Variants in ZNF587 observed in about 807,000 individuals in gnomAD.
The protein encoded by ZNF587 is zinc finger protein 587.
In ZNF587, 8 loss-of-function variants were observed where a neutral mutation model predicts 7.5. The ratio of observed to expected loss-of-function variants is 1.06; its 90% CI spans 0.62 to 1.92. ZNF587 has a LOEUF of 1.92. Ranked by LOEUF, ZNF587 falls within the 40% of genes most tolerant of loss-of-function variation. The probability of loss-of-function intolerance (pLI) is 0.00; values close to 1 mark genes in which losing one functional copy is unlikely to be tolerated. For synonymous variants in ZNF587, 145 were observed against 237.8 expected (o/e 0.61, Z 3.59); for missense variants, 468 against 692.8 (o/e 0.68, Z 3.64).
At chr19:57,855,521 T>A (rs544723579) in intron 1 of ZNF587, among the ~76,000 whole-genome samples, 1 of 150,942 alleles carries the variant, frequency 6.6e-6, no homozygotes, top group South Asian at 2.1e-4. Flanking sequence ...GGGCTTTACG[T>A]GACCTTGGAT....
chr19:57,856,349 T>G, intron 2 of ZNF587, 116 bp downstream of exon 2: 1 of 1,482,442 alleles, frequency 6.7e-7, no homozygotes, highest in Non-Finnish European at 9.0e-7. Context: ...CTTCTGCACT[T>G]CTCTGTGTAA....
At chr19:57,850,911 A>T (rs1365950518) in intron 1 of ZNF587, 1 of 203,800 alleles carries the variant, frequency 4.9e-6, no homozygotes, top group Non-Finnish European at 9.8e-6. Context: ...TGTCTAAACT[A>T]CTTAAGATCT....
rs1555775121 is a variant in ZNF587 at position 57,857,614 on chromosome 19, G to GTGTATA, written c.164-961_164-960insGTATAT. 2.3e-3 allele frequency among the ~76,000 whole-genome samples: 350 copies of GTGTATA among 150,862 alleles called. 1 individual carries two copies. The highest frequency in any genetic ancestry group is 8.3e-3 in the African/African-American group (339 of 40,900). On this transcript the variant is annotated intron_variant, in intron 2 of 2. Transcript: ENST00000339656. ...TAGATGTATATATATGTGTGTATGT[G>GTGTATA]TATATATATATATGTGTGTGTGTAT...
intron 1 of ZNF587, among the ~76,000 whole-genome samples, chr19:57,852,820 G>A (rs1364165293): frequency 5.6e-5 from 7 of 124,520 alleles, no homozygotes; most frequent in Admixed American, 1.8e-4. Flanking sequence ...GGACCAATGC[G>A]CCCAGCCGAG....
intron 2 of ZNF587, chr19:57,856,948 C>A (rs956040809): frequency 1.3e-5 from 2 of 151,882 alleles, no homozygotes; most frequent in Non-Finnish European, 2.9e-5. Flanking sequence ...ATTGTCACTA[C>A]CTACATAGAC....
intron 2 of ZNF587, 38 bp downstream of exon 2, chr19:57,856,271 T>C: frequency 1.3e-6 from 2 of 1,539,316 alleles, no homozygotes; most frequent in African/African-American, 2.8e-5. Flanking sequence ...CCTGAGCTAG[T>C]GTTACTGTTC....
chr19:57,857,950 T>C (rs903779645), intron 2 of ZNF587, among the ~76,000 whole-genome samples: 1 of 150,476 alleles, frequency 6.6e-6, no homozygotes, highest in Non-Finnish European at 1.5e-5. Flanking sequence ...TTCTTCTATA[T>C]AGCACTCACA....
intron 1 of ZNF587, among the ~76,000 whole-genome samples, chr19:57,852,720 G>A (rs2071296008): frequency 6.6e-6 from 1 of 151,066 alleles, no homozygotes; most frequent in East Asian, 1.9e-4. Flanking sequence ...TAGAGACGAG[G>A]TTTTACCATG....
rs769923326 is a variant in ZNF587, at chr19:57,859,661, T to C, written c.1249T>C (p.Phe417Leu). The C allele has an allele frequency of 1.7e-5, 28 of 1,613,720 alleles. No individual in the cohort carries two copies. The East Asian group carries it at 5.6e-4, about 32-fold the overall frequency. Residue 417 changes from phenylalanine to leucine, a missense_variant, in exon 3 of 3, where the codon TTT becomes CTT. Phe to Leu is a conservative substitution (Grantham distance 22). Around this residue, in one of 5 missense-constraint regions of ZNF587, gnomAD observed 310 missense variants for 325.6 expected, o/e 0.95. Coordinates refer to ENST00000339656, the MANE Select transcript of ZNF587 (RefSeq NM_032828.4). ...TGAGTGCAAGGAATGTGGGAAATCA[T>C]TTAGGTACAGATCCCACCTCACTGA... ...PYECKECGKS[F>L]RYRSHLTEHQ...
chr19:57,855,565 G>GTT (rs750033909), intron 1 of ZNF587, among the ~76,000 whole-genome samples: 10,998 of 137,232 alleles, frequency 0.08, 520 homozygotes, highest in African/African-American at 0.11. Context: ...GGCTTTTTTT[G>GTT]TTTTTTTTTT....
chr19:57,852,119 G>A (rs1163634007), intron 1 of ZNF587: 1 of 373,452 alleles, frequency 2.7e-6, no homozygotes, highest in Non-Finnish European at 4.7e-6. Flanking sequence ...TCTAGCTTGT[G>A]GTGTCCTGGG....
In ZNF587 at chr19:57,862,595, T is replaced by G. The variant is rs1288593486; in HGVS notation, c.*2455T>G. On this transcript the variant is annotated 3_prime_UTR_variant, in exon 3 of 3. Transcript: ENST00000339656. Reference sequence around the variant, plus strand: ...GGTGAGATTATGGAATCCAGAATCTTTTTTCAGGGGTCACATGCCCATTTC... The same window carrying G: ...GGTGAGATTATGGAATCCAGAATCTGTTTTCAGGGGTCACATGCCCATTTC... 6.5e-6 allele frequency: 1 copy of G among 154,818 alleles called. No homozygotes were observed. The highest frequency in any genetic ancestry group is 1.5e-5 in the Non-Finnish European group (1 of 68,242). The allele number at this position is 154,818 out of a possible 1,614,324, so 9.6% of individuals were successfully genotyped here.
Position 57,859,439 on chromosome 19 carries a change from C to T in ZNF587, c.1027C>T (p.Gln343Ter), listed in dbSNP as rs1395147905. Residue 343 changes from glutamine (Q) to a stop codon, truncating the protein, a stop_gained, in exon 3 of 3, where the codon CAG becomes TAG. Coordinates refer to ENST00000339656, the MANE Select transcript of ZNF587 (RefSeq NM_032828.4). LOFTEE classifies it low-confidence loss of function (END_TRUNC). ...TCAAAAGGGTAACCTCATTCAACAT[C>T]AGCAAGGTCACACTGGAGAGAGAGC... Reference protein sequence around the residue: ...FGQKGNLIQHQQGHTGERAYH... With the variant: ...FGQKGNLIQH 1.9e-6 allele frequency: 3 copies of T among 1,611,644 alleles called. No individual in the cohort carries two copies. The East Asian group carries it at 6.7e-5, about 36-fold the overall frequency.
chr19:57,862,570 G>GA lies in ZNF587; in HGVS notation c.*2430_*2431insA, dbSNP rs2071446834. ...TGAAATGGCAGTTTCTTCTCAGCAA[G>GA]GTGAGATTATGGAATCCAGAATCTT... On this transcript the variant is annotated 3_prime_UTR_variant, in exon 3 of 3. Transcript: ENST00000339656. The GA allele has an allele frequency of 6.5e-6, 1 of 154,790 alleles. No individual in the cohort carries two copies. The highest frequency in any genetic ancestry group is 1.5e-5 in the Non-Finnish European group (1 of 68,228). The allele number at this position is 154,790 out of a possible 1,614,324, so 9.6% of individuals were successfully genotyped here.
At chr19:57,851,874 G>GT (rs1391957940) in intron 1 of ZNF587, 1 of 153,644 alleles carries the variant, frequency 6.5e-6, no homozygotes, top group Non-Finnish European at 1.4e-5. Flanking sequence ...CACATAGATG[G>GT]TAGAGATGAC....
At chr19:57,857,784 G>A (rs2122342727) in intron 2 of ZNF587, among the ~76,000 whole-genome samples, 2 of 151,578 alleles carry the variant, frequency 1.3e-5, no homozygotes, top group East Asian at 3.9e-4. Context: ...ACAGGCACAT[G>A]CCACCATGCC....
In ZNF587 at chr19:57,861,498, C is replaced by A. The variant is rs1053284525; in HGVS notation, c.*1358C>A. Reference sequence around the variant, plus strand: ...GGTATGCACCACCACAACTGGATAACTTTTGTATTTTCTGTAGAGAGGGTT... The same window carrying A: ...GGTATGCACCACCACAACTGGATAAATTTTGTATTTTCTGTAGAGAGGGTT... On this transcript the variant is annotated 3_prime_UTR_variant, in exon 3 of 3. Coordinates refer to ENST00000339656, the MANE Select transcript of ZNF587 (RefSeq NM_032828.4). 2 of 151,918 alleles carry A rather than the reference C, an allele frequency of 1.3e-5. No homozygotes were observed. The highest frequency in any genetic ancestry group is 4.8e-5 in the African/African-American group (2 of 41,378). 9.4% of individuals were successfully genotyped at this position (151,918 alleles called of 1,614,324 possible).
chr19:57,852,375 C>T, intron 1 of ZNF587: 1 of 398,562 alleles, frequency 2.5e-6, no homozygotes, highest in East Asian at 3.6e-5. Context: ...TCTGGCTGGA[C>T]CTTGTTGCAT....
rs1042533933 is a variant in ZNF587, at chr19:57,863,425, T to C, written c.*3285T>C. On this transcript the variant is annotated 3_prime_UTR_variant, in exon 3 of 3. Transcript: ENST00000339656. ...GCCACTGCACCTGGCCTGTATTCTT[T>C]TCTTTAGTAGAGACGGGGTTTTACT... 1 of 152,152 alleles carries C rather than the reference T, an allele frequency of 6.6e-6. No individual in the cohort carries two copies. The highest frequency in any genetic ancestry group is 1.5e-5 in the Non-Finnish European group (1 of 68,092). The allele number at this position is 152,152 out of a possible 1,614,324, so 9.4% of individuals were successfully genotyped here. A position where few individuals can be genotyped will look rare whatever the true frequency, so the allele number is the denominator to read the frequency against.
Sources: gnomAD v4.1 joint callset for allele counts (sites outside exome capture counted in the v4.1 genomes callset) on GRCh38, gnomAD v4.1.1 for gene constraint, gnomAD v4.1.1 regional missense constraint, MANE v1.5 for transcripts, NCBI Gene and HGNC (gene_info 2026-07-23, HGNC 2026-07-21) for gene names.